The following ZBTB2 variants were observed in gnomAD, a reference collection of about 807,000 sequenced individuals.
ZBTB2 encodes zinc finger and BTB domain containing 2.
A neutral mutation model predicts 39.5 loss-of-function variants in ZBTB2; 2 were observed. The ratio of observed to expected loss-of-function variants is 0.05; its 90% CI spans 0.02 to 0.16. The LOEUF is 0.16. Ranked by LOEUF, ZBTB2 falls within the 10% of genes least tolerant of loss-of-function variation. ZBTB2 has a pLI of 1.00. For missense variants in ZBTB2, 391 were observed against 653.0 expected (o/e 0.60, Z 4.37); for synonymous variants, 251 against 256.6 (o/e 0.98, Z 0.21).
chr6:151,374,762 A>G (rs1778864118), intron 1 of ZBTB2, among the ~76,000 whole-genome samples: 1 of 150,778 alleles, frequency 6.6e-6, no homozygotes, highest in African/African-American at 2.4e-5. Flanking sequence ...CTATTTGCAG[A>G]TGACACGATT....
intron 1 of ZBTB2, among the ~76,000 whole-genome samples, chr6:151,376,629 A>G (rs1309296505): frequency 6.6e-6 from 1 of 152,222 alleles, no homozygotes; most frequent in Non-Finnish European, 1.5e-5. Context: ...ACTAGGGAAA[A>G]GCAAATTAAA....
intron 1 of ZBTB2, among the ~76,000 whole-genome samples, chr6:151,388,538 TTTTC>T (rs1407515597): frequency 6.6e-6 from 1 of 152,238 alleles, no homozygotes; most frequent in Non-Finnish European, 1.5e-5. Flanking sequence ...ATACATTTTC[TTTTC>T]TTTTTTAATA....
intron 1 of ZBTB2, among the ~76,000 whole-genome samples, chr6:151,373,868 A>AAAAAAAAAC (rs1778842381): frequency 6.8e-6 from 1 of 146,852 alleles, no homozygotes; most frequent in Non-Finnish European, 1.5e-5. Flanking sequence ...AAAAAAAAAA[A>AAAAAAAAAC]AAAAAAAAAC....
At chr6:151,368,909 G>A (rs905003281) in intron 2 of ZBTB2, among the ~76,000 whole-genome samples, 4 of 151,064 alleles carry the variant, frequency 2.6e-5, no homozygotes, top group Admixed American at 6.6e-5. Context: ...ACAGGTGCCC[G>A]CCACCAGGCC....
chr6:151,378,299 C>T (rs1778960107), intron 1 of ZBTB2, among the ~76,000 whole-genome samples: 1 of 152,152 alleles, frequency 6.6e-6, no homozygotes, highest in African/African-American at 2.4e-5. Flanking sequence ...CGAGTCATAT[C>T]TAAGCACGAG....
intron 2 of ZBTB2, among the ~76,000 whole-genome samples, chr6:151,373,035 G>A (rs910855858): frequency 1.3e-5 from 2 of 151,450 alleles, no homozygotes; most frequent in Admixed American, 1.3e-4. Context: ...GGTGCCTGTA[G>A]TCCCAGCTAC....
At chr6:151,390,559 A>T (rs1779269767) in intron 1 of ZBTB2, among the ~76,000 whole-genome samples, 1 of 149,732 alleles carries the variant, frequency 6.7e-6, no homozygotes, top group Admixed American at 6.6e-5. Context: ...TGGCCCAGAC[A>T]GGGAGAGAGG....
rs762013716 is a variant in ZBTB2 at position 151,365,947 on chromosome 6, G to A, written c.1119C>T (p.Ile373=). The part of the protein sequence containing the change: ...YECTICGRKF[I]QKSHWREHMY... Reference sequence around the variant, plus strand: ...TGTGTTCCCTCCAGTGGCTTTTCTGGATAAATTTGCGTCCACATATTGTGC... The same window carrying A: ...TGTGTTCCCTCCAGTGGCTTTTCTGAATAAATTTGCGTCCACATATTGTGC... The change falls in exon 3 of 3, where the codon ATC becomes ATT. Residue 373 remains isoleucine, a synonymous_variant. Coordinates refer to ENST00000325144, the MANE Select transcript of ZBTB2 (RefSeq NM_020861.3). The surrounding 1 kb of genome is among the most constrained non-coding windows in gnomAD (Gnocchi z 5.6). 1.4e-5 allele frequency: 23 copies of A among 1,614,164 alleles called. No individual in the cohort carries two copies. The Admixed American group carries it at 3.5e-4, about 25-fold the overall frequency.
rs1249108218 is a variant in ZBTB2 at position 151,372,319 on chromosome 6, A to AG, written c.173+1145dup. 2.0e-5 allele frequency among the ~76,000 whole-genome samples: 3 copies of AG among 152,148 alleles called. No individual in the cohort carries two copies. The East Asian group carries it at 5.8e-4, about 29-fold the overall frequency. Reference sequence around the variant, plus strand: ...TTGAGAAAAGACTGCAGCAGAATGAAGGAGGGGAGGAAACCACAGCGCGCA... The same window carrying AG: ...TTGAGAAAAGACTGCAGCAGAATGAAGGGAGGGGAGGAAACCACAGCGCGCA... On this transcript the variant is annotated intron_variant, in intron 2 of 2. Coordinates refer to ENST00000325144, the MANE Select transcript of ZBTB2 (RefSeq NM_020861.3).
chr6:151,389,977 G>C (rs1779247247), intron 1 of ZBTB2, among the ~76,000 whole-genome samples: 1 of 152,106 alleles, frequency 6.6e-6, no homozygotes, highest in Non-Finnish European at 1.5e-5. Flanking sequence ...CCGAGAAAAC[G>C]ACGCCGGCCC....
chr6:151,377,817 A>G (rs1582919911), intron 1 of ZBTB2, among the ~76,000 whole-genome samples: 2 of 152,154 alleles, frequency 1.3e-5, no homozygotes, highest in East Asian at 3.9e-4. Context: ...TACGGACGTG[A>G]GCCACCGTGC....
chr6:151,373,586 G>A lies in ZBTB2; in HGVS notation c.52C>T (p.Arg18Ter). ...LILLQQLNAQ[R>*]EFGFLCDCTV... ...CAGTCACACAGGAAACCAAACTCTC[G>A]CTGAGCGTTTAACTGTTGCAGTAGA... Residue 18 changes from arginine to a stop codon, truncating the protein, a stop_gained, in exon 2 of 3, where the codon CGA becomes TGA. Transcript: ENST00000325144. LOFTEE classifies it high-confidence loss of function. 6.2e-7 allele frequency: 1 copy of A among 1,614,040 alleles called. No individual in the cohort carries two copies. The highest frequency in any genetic ancestry group is 8.5e-7 in the Non-Finnish European group (1 of 1,179,994).
chr6:151,381,397 T>C (rs1360046685), intron 1 of ZBTB2, among the ~76,000 whole-genome samples: 2 of 152,084 alleles, frequency 1.3e-5, no homozygotes, highest in African/African-American at 4.8e-5. Flanking sequence ...GGCGAGTGCC[T>C]GTAATCCCAG....
intron 1 of ZBTB2, among the ~76,000 whole-genome samples, chr6:151,379,416 G>C (rs533174398): frequency 2.6e-5 from 4 of 152,086 alleles, no homozygotes; most frequent in Non-Finnish European, 1.5e-5. Flanking sequence ...CAAGGTGGGA[G>C]GACTGCTTAA....
At chr6:151,390,701 G>A (rs925819318) in intron 1 of ZBTB2, among the ~76,000 whole-genome samples, 2 of 151,808 alleles carry the variant, frequency 1.3e-5, no homozygotes, top group African/African-American at 4.8e-5. Flanking sequence ...AGGAGCCGCT[G>A]CAGCTGGGAG....
chr6:151,384,987 T>C (rs1337205163), intron 1 of ZBTB2, among the ~76,000 whole-genome samples: 2 of 152,108 alleles, frequency 1.3e-5, no homozygotes, highest in African/African-American at 2.4e-5. Flanking sequence ...AATCAAGACA[T>C]GAAACTGAAG....
At chr6:151,389,701 C>A (rs1208172009) in intron 1 of ZBTB2, among the ~76,000 whole-genome samples, 1 of 152,172 alleles carries the variant, frequency 6.6e-6, no homozygotes. Context: ...AACAATGCAG[C>A]TGGGGGAGGC....
At chr6:151,375,030 GAA>G in intron 1 of ZBTB2, among the ~76,000 whole-genome samples, 1 of 151,528 alleles carries the variant, frequency 6.6e-6, no homozygotes, top group African/African-American at 2.4e-5. Context: ...TGAGGCAGGA[GAA>G]TGGCATGAAC....
intron 1 of ZBTB2, among the ~76,000 whole-genome samples, chr6:151,385,337 C>T (rs12525513): frequency 2.6e-5 from 4 of 152,220 alleles, no homozygotes; most frequent in Non-Finnish European, 4.4e-5. Context: ...CTGTTTCCTC[C>T]TTGATAACAG....
Sources: gnomAD v4.1 joint callset for allele counts (sites outside exome capture counted in the v4.1 genomes callset) on GRCh38, gnomAD v4.1.1 for gene constraint, Gnocchi (gnomAD v3.1) non-coding constraint, MANE v1.5 for transcripts, NCBI Gene and HGNC (gene_info 2026-07-23, HGNC 2026-07-21) for gene names.